GALNTL6: variants seen among roughly 807,000 people sequenced by gnomAD.
The protein encoded by GALNTL6 is polypeptide N-acetylgalactosaminyltransferase-like 6.
In GALNTL6, 46 loss-of-function variants were observed where a neutral mutation model predicts 73.7. The observed-to-expected ratio is 0.62, with a 90% CI of 0.49 to 0.80. The LOEUF (loss-of-function observed/expected upper bound fraction) is 0.80. Among genes scored for constraint, GALNTL6 ranks in the 30% least tolerant of loss-of-function variants. The pLI is 0.00. For missense variants in GALNTL6, 604 were observed against 755.0 expected, an observed-to-expected ratio of 0.80 and a Z score of 2.34; for synonymous variants, 259 against 263.7, an observed-to-expected ratio of 0.98 and a Z score of 0.17.
chr4:172,211,486 C>T (rs1736320042), intron 2 of GALNTL6, among the ~76,000 whole-genome samples: 1 of 152,162 alleles, frequency 6.6e-6, no homozygotes, highest in Non-Finnish European at 1.5e-5. Flanking sequence ...TAAACTTCCA[C>T]ACTAATAATG....
At chr4:172,085,755 A>T (rs113582627) in intron 2 of GALNTL6, among the ~76,000 whole-genome samples, 14 of 152,062 alleles carry the variant, frequency 9.2e-5, no homozygotes, top group African/African-American at 3.4e-4. Context: ...AATGTTCTAA[A>T]TATAAAAATA....
At chr4:171,883,595 A>G (rs1290685709) in intron 2 of GALNTL6, among the ~76,000 whole-genome samples, 1 of 151,994 alleles carries the variant, frequency 6.6e-6, no homozygotes, top group Non-Finnish European at 1.5e-5. Flanking sequence ...ACAAGACTGA[A>G]AATAGGTTTG....
chr4:172,244,361 T>A (rs1737552777), intron 3 of GALNTL6, among the ~76,000 whole-genome samples: 1 of 152,110 alleles, frequency 6.6e-6, no homozygotes, highest in Non-Finnish European at 1.5e-5. Context: ...AAAACAGCAG[T>A]GTAGAAATAT....
intron 2 of GALNTL6, among the ~76,000 whole-genome samples, chr4:171,992,680 C>G (rs1171221684): frequency 6.6e-6 from 1 of 151,952 alleles, no homozygotes. Context: ...TTGCAGTAAA[C>G]AAGTTTCCTA....
intron 12 of GALNTL6, among the ~76,000 whole-genome samples, chr4:173,035,520 C>T (rs1579810048): frequency 1.3e-5 from 2 of 152,142 alleles, no homozygotes; most frequent in East Asian, 1.9e-4. Flanking sequence ...TCCCCTATGT[C>T]GTGGGTCAGT....
chr4:172,780,040 T>C (rs976244767), intron 5 of GALNTL6, among the ~76,000 whole-genome samples: 1 of 152,082 alleles, frequency 6.6e-6, no homozygotes, highest in African/African-American at 2.4e-5. Flanking sequence ...AGGCATCACC[T>C]TAGGACAGCA....
At chr4:171,996,811 T>C (rs1288330789) in intron 2 of GALNTL6, among the ~76,000 whole-genome samples, 1 of 151,522 alleles carries the variant, frequency 6.6e-6, no homozygotes, top group African/African-American at 2.4e-5. Flanking sequence ...CTGGATCGCA[T>C]GCAGCCCATG....
In GALNTL6 at chr4:172,993,845, C is replaced by T. The variant is rs375770063; in HGVS notation, c.1372-15333C>T. On this transcript the variant is annotated intron_variant, in intron 10 of 12. Transcript: ENST00000506823. The stretch of plus-strand genomic sequence containing the variant: ...GCTGAGGCAGAAGAATCACTAGAAC[C>T]CAGGAGGCGGAGGTTGCAGTGAGCC... Among the ~76,000 whole-genome samples, 10 of 152,236 alleles carry T rather than the reference C, an allele frequency of 6.6e-5. No homozygotes were observed. In the East Asian group the frequency reaches 7.7e-4, roughly 12 times the overall value.
chr4:172,123,498 T>C (rs940918454), intron 2 of GALNTL6, among the ~76,000 whole-genome samples: 9 of 105,906 alleles, frequency 8.5e-5, no homozygotes, highest in Non-Finnish European at 1.6e-4. Flanking sequence ...AAAAAAGTCA[T>C]AATTTTTTTT....
chr4:172,911,038 A>C (rs1747171614), intron 8 of GALNTL6, among the ~76,000 whole-genome samples: 1 of 152,252 alleles, frequency 6.6e-6, no homozygotes, highest in African/African-American at 2.4e-5. Context: ...AACTTGCCAA[A>C]CACTTGGTTC....
At chr4:171,934,823 C>T (rs892415659) in intron 2 of GALNTL6, among the ~76,000 whole-genome samples, 1 of 152,142 alleles carries the variant, frequency 6.6e-6, no homozygotes, top group African/African-American at 2.4e-5. Context: ...TTCCTATATT[C>T]CTGTCATATT....
intron 5 of GALNTL6, among the ~76,000 whole-genome samples, chr4:172,584,155 A>C (rs945891835): frequency 6.6e-6 from 1 of 152,096 alleles, no homozygotes; most frequent in Non-Finnish European, 1.5e-5. Context: ...TGGAGAGTGC[A>C]ATAAAATGTG....
At chr4:172,536,846 C>G (rs555446198) in intron 5 of GALNTL6, among the ~76,000 whole-genome samples, 1 of 152,158 alleles carries the variant, frequency 6.6e-6, no homozygotes, top group African/African-American at 2.4e-5. Context: ...TAATGAGGAG[C>G]CAAATGCTAA....
chr4:172,809,445 TC>T lies in GALNTL6; in HGVS notation c.640del (p.Arg214GlyfsTer15). 1 of 1,613,888 alleles carries T rather than the reference TC, an allele frequency of 6.2e-7. No individual in the cohort carries two copies. The highest frequency in any genetic ancestry group is 8.5e-7 in the Non-Finnish European group (1 of 1,179,846). On this transcript the variant is annotated frameshift_variant, in exon 6 of 13. Transcript: ENST00000506823. LOFTEE classifies it high-confidence loss of function. The surrounding 1 kb of genome is among the most constrained non-coding windows in gnomAD (Gnocchi z 4.4). Reference protein sequence around the residue: ...IVRTKKREGLIRTRLLGASMA... With the variant: ...IVRTKKREGLXRTRLLGASMA... ...CGCACCAAGAAAAGAGAAGGACTCA[TC>T]CGGACCCGTCTCCTGGGGGCATCTA... is the stretch of plus-strand genomic sequence containing the variant.
intron 3 of GALNTL6, among the ~76,000 whole-genome samples, chr4:172,249,230 A>G (rs1460328653): frequency 6.6e-6 from 1 of 152,208 alleles, no homozygotes; most frequent in African/African-American, 2.4e-5. Context: ...AACTGGAGTA[A>G]GGTCACTCTT....
At chr4:172,637,946 C>T (rs1457044638) in intron 5 of GALNTL6, among the ~76,000 whole-genome samples, 1 of 152,066 alleles carries the variant, frequency 6.6e-6, no homozygotes, top group African/African-American at 2.4e-5. Flanking sequence ...GATTCCTAAA[C>T]CTTTTCTATT....
chr4:172,979,194 A>G (rs1750969563), intron 10 of GALNTL6, among the ~76,000 whole-genome samples: 1 of 152,220 alleles, frequency 6.6e-6, no homozygotes, highest in Non-Finnish European at 1.5e-5. Flanking sequence ...GGCCATATCA[A>G]AGCCAAATGA....
intron 10 of GALNTL6, among the ~76,000 whole-genome samples, chr4:172,952,622 T>C (rs2126348589): frequency 6.6e-6 from 1 of 152,242 alleles, no homozygotes; most frequent in South Asian, 2.1e-4. Context: ...TTCAAACGAT[T>C]CTCCTACCCC....
At chr4:172,044,181 A>G (rs888449612) in intron 2 of GALNTL6, among the ~76,000 whole-genome samples, 4 of 151,994 alleles carry the variant, frequency 2.6e-5, no homozygotes, top group African/African-American at 9.7e-5. Context: ...ACCATATTTT[A>G]GTTACTCAGT....
Sources: gnomAD v4.1 joint callset for allele counts (sites outside exome capture counted in the v4.1 genomes callset) on GRCh38, gnomAD v4.1.1 for gene constraint, Gnocchi (gnomAD v3.1) non-coding constraint, MANE v1.5 for transcripts, NCBI Gene and HGNC (gene_info 2026-07-23, HGNC 2026-07-21) for gene names.